Variants in EIF4H observed in about 807,000 individuals in gnomAD.
EIF4H encodes Williams-Beuren syndrome chromosome region 1.
A neutral mutation model predicts 30.6 loss-of-function variants in EIF4H; 8 were observed. The observed-to-expected ratio is 0.26, with a 90% CI of 0.15 to 0.47. EIF4H has a LOEUF of 0.47. EIF4H is among the 20% of genes least tolerant of loss of function. EIF4H has a pLI of 0.99. For missense variants in EIF4H, 188 were observed against 339.5 expected, an observed-to-expected ratio of 0.55 and a Z score of 3.51; for synonymous variants, 106 against 122.7, an observed-to-expected ratio of 0.86 and a Z score of 0.90.
intron 6 of EIF4H, 122 bp downstream of exon 6, chr7:74,195,000 C>G: frequency 1.3e-6 from 2 of 1,501,418 alleles, no homozygotes; most frequent in Admixed American, 4.5e-5. Flanking sequence ...TCCCCACGTT[C>G]TCTGGAATAG....
At chr7:74,190,390 C>G in intron 5 of EIF4H, 84 bp downstream of exon 5, 1 of 1,339,890 alleles carries the variant, frequency 7.5e-7, no homozygotes, top group Non-Finnish European at 1.1e-6. Context: ...GCCCGCCTGG[C>G]CGGACTACTT....
At chr7:74,194,970 C>T in intron 6 of EIF4H, 92 bp downstream of exon 6, 1 of 1,515,804 alleles carries the variant, frequency 6.6e-7, no homozygotes, top group Non-Finnish European at 8.9e-7. Flanking sequence ...TTCTACGGCA[C>T]ACAGAGTTGT....
At chr7:74,186,103 C>G (rs542678426) in intron 1 of EIF4H, among the ~76,000 whole-genome samples, 1 of 152,252 alleles carries the variant, frequency 6.6e-6, no homozygotes, top group East Asian at 1.9e-4. Flanking sequence ...TTTATGCTGA[C>G]CTGCTTGAAA....
At chr7:74,177,555 G>A (rs1323204665) in intron 1 of EIF4H, among the ~76,000 whole-genome samples, 1 of 151,118 alleles carries the variant, frequency 6.6e-6, no homozygotes, top group Admixed American at 6.6e-5. Context: ...TCCTGTCTCT[G>A]AGCATATTTT....
chr7:74,192,107 T>C (rs1554710046), intron 5 of EIF4H, among the ~76,000 whole-genome samples: 1 of 152,192 alleles, frequency 6.6e-6, no homozygotes, highest in African/African-American at 2.4e-5. Flanking sequence ...GAGAGATCCT[T>C]GTTCATCTGC....
At chr7:74,184,337 T>A (rs1409741305) in intron 1 of EIF4H, among the ~76,000 whole-genome samples, 3 of 152,154 alleles carry the variant, frequency 2.0e-5, no homozygotes, top group Non-Finnish European at 4.4e-5. Context: ...CGAGCACAAT[T>A]AGCAAGCCTT....
intron 5 of EIF4H, among the ~76,000 whole-genome samples, chr7:74,192,883 G>C (rs1189952039): frequency 6.6e-6 from 1 of 151,892 alleles, no homozygotes; most frequent in Admixed American, 6.6e-5. Flanking sequence ...TCTCCGTGTT[G>C]GTCAGGCTGG....
chr7:74,175,695 C>G (rs113438145), intron 1 of EIF4H, among the ~76,000 whole-genome samples: 3 of 150,464 alleles, frequency 2.0e-5, no homozygotes, highest in African/African-American at 7.3e-5. Flanking sequence ...CAAATTTGTT[C>G]TCAAGTCATT....
At chr7:74,194,211 T>G (rs1257929876) in intron 5 of EIF4H, among the ~76,000 whole-genome samples, 1 of 152,212 alleles carries the variant, frequency 6.6e-6, no homozygotes, top group African/African-American at 2.4e-5. Context: ...ACCACACAGG[T>G]GCTTTGCTTG....
intron 5 of EIF4H, 85 bp from the exon 6 acceptor site, chr7:74,194,656 C>T (rs577265326): frequency 4.2e-6 from 6 of 1,444,710 alleles, no homozygotes; most frequent in South Asian, 1.7e-5. Context: ...TAAAATGAAA[C>T]TCAAACAATT....
chr7:74,180,713 G>A (rs1800940535), intron 1 of EIF4H, among the ~76,000 whole-genome samples: 1 of 152,326 alleles, frequency 6.6e-6, no homozygotes, highest in Admixed American at 6.5e-5. Flanking sequence ...TTCATCTTAG[G>A]AGGAAGGGCT....
In EIF4H at chr7:74,194,881, A is replaced by G; in HGVS notation, c.607+3A>G. ...GGATTTCAGAGAACCCACAGAAGGT[A>G]CGGGCTCATGTGTCAGTGGAGGGCA... On this transcript the variant is annotated splice_donor_region_variant and intron_variant, in intron 6 of 6. Coordinates refer to ENST00000265753, the MANE Select transcript of EIF4H (RefSeq NM_022170.2). The G allele has an allele frequency of 6.3e-7, 1 of 1,586,572 alleles. No individual in the cohort carries two copies. Among genetic ancestry groups the G allele is most frequent in the Non-Finnish European group, 8.6e-7 (1 of 1,158,454 alleles).
chr7:74,187,501 C>A, intron 1 of EIF4H, 110 bp from the exon 2 acceptor site: 1 of 1,122,058 alleles, frequency 8.9e-7, no homozygotes. Context: ...GTACATCGAG[C>A]AGAGTGCCTC....
chr7:74,195,093 G>A lies in EIF4H; in HGVS notation c.608-76G>A, dbSNP rs1486588959. Reference sequence around the variant, plus strand: ...TAGAAAGTGGGCTGGTTTGCTGACAGCAACATCAGCATGGTCGTTTTGCTG... The same window carrying A: ...TAGAAAGTGGGCTGGTTTGCTGACAACAACATCAGCATGGTCGTTTTGCTG... On this transcript the variant is annotated intron_variant, in intron 6 of 6. Coordinates refer to ENST00000265753, the MANE Select transcript of EIF4H (RefSeq NM_022170.2). 9.5e-6 allele frequency: 15 copies of A among 1,571,974 alleles called. No individual in the cohort carries two copies. In the African/African-American group the frequency reaches 1.5e-4, roughly 16 times the overall value.
intron 1 of EIF4H, among the ~76,000 whole-genome samples, chr7:74,179,599 T>G (rs1195675205): frequency 1.4e-5 from 2 of 139,048 alleles, no homozygotes; most frequent in Non-Finnish European, 1.5e-5. Flanking sequence ...GCCACTGCAC[T>G]CCCGCCTGGG....
intron 1 of EIF4H, among the ~76,000 whole-genome samples, chr7:74,175,659 C>T (rs1249006162): frequency 2.6e-5 from 4 of 151,516 alleles, no homozygotes; most frequent in African/African-American, 7.3e-5. Flanking sequence ...ATGAAATTAT[C>T]GCCTTTGGGT....
At chr7:74,193,767 CA>C (rs1398788734) in intron 5 of EIF4H, among the ~76,000 whole-genome samples, 1 of 152,176 alleles carries the variant, frequency 6.6e-6, no homozygotes, top group Non-Finnish European at 1.5e-5. Context: ...CGTGCGCCAC[CA>C]TGCCCAGCTA....
intron 5 of EIF4H, 101 bp downstream of exon 5, chr7:74,190,407 T>C (rs781595125): frequency 1.5e-5 from 18 of 1,188,434 alleles, no homozygotes; most frequent in Admixed American, 3.7e-5. Context: ...ACTTATTTAG[T>C]TCCTTTAACA....
intron 5 of EIF4H, chr7:74,191,300 C>G (rs1801205819): frequency 1.9e-6 from 1 of 530,956 alleles, no homozygotes; most frequent in African/African-American, 1.9e-5. Flanking sequence ...CAGCAGCTGT[C>G]TTCTTAGAGC....
Sources: allele counts gnomAD v4.1 joint callset (sites outside exome capture counted in the v4.1 genomes callset), GRCh38; gene constraint gnomAD v4.1.1; transcripts MANE v1.5; gene names NCBI Gene and HGNC (gene_info 2026-07-23, HGNC 2026-07-21).